Variants in OGFOD1 observed in about 807,000 individuals in gnomAD.
OGFOD1 encodes the protein prolyl 3-hydroxylase OGFOD1.
Under a neutral mutation model 67.7 loss-of-function variants are expected in OGFOD1, and 54 were observed. The ratio of observed to expected loss-of-function variants is 0.80; its 90% confidence interval spans 0.64 to 1.00. The LOEUF (loss-of-function observed/expected upper bound fraction) is 1.00, where lower values mean the gene tolerates loss of function less well. Among genes scored for constraint, OGFOD1 ranks in the 50% least tolerant of loss-of-function variants. OGFOD1 has a pLI of 0.00. For synonymous variants in OGFOD1, 221 were observed against 227.0 expected, an observed-to-expected ratio of 0.97 and a Z score of 0.24; for missense variants, 606 against 646.7, an observed-to-expected ratio of 0.94 and a Z score of 0.68.
chr16:56,468,641 A>G (rs1963006530), intron 8 of OGFOD1, among the ~76,000 whole-genome samples: 1 of 151,756 alleles, frequency 6.6e-6, no homozygotes, highest in Non-Finnish European at 1.5e-5. Context: ...CAGGAGAATC[A>G]CTTGAACCTG....
At chr16:56,453,627 G>A (rs1355896244) in intron 2 of OGFOD1, 3 of 381,584 alleles carry the variant, frequency 7.9e-6, no homozygotes, top group Non-Finnish European at 1.4e-5. Flanking sequence ...TGCCTGCCCT[G>A]TAAGACTTTA....
intron 8 of OGFOD1, 134 bp from the exon 9 acceptor site, chr16:56,469,869 A>AAAAGG: frequency 6.5e-6 from 4 of 617,274 alleles, no homozygotes; most frequent in Non-Finnish European, 1.1e-5. Context: ...AAAAAAAAAA[A>AAAAGG]AAAAGGAATG....
intron 2 of OGFOD1, 92 bp from the exon 3 acceptor site, chr16:56,458,456 A>G: frequency 8.7e-7 from 1 of 1,150,904 alleles, no homozygotes; most frequent in Non-Finnish European, 1.3e-6. Context: ...CTTAATGACA[A>G]TGCTAGGACC....
At position 56,454,653 on chromosome 16, in the gene OGFOD1, GAAA is replaced by G. The variant is rs57144787; in HGVS notation, c.300+1253_300+1255del. On this transcript the variant is annotated intron_variant, in intron 2 of 12. Transcript: ENST00000566157. ...ACATCTGTGCTTCAAATTGGGGGGGGAAAAAAAAAAGAAAGATTAAAAAGATGA... is the reference window on the plus strand; with the variant it reads ...ACATCTGTGCTTCAAATTGGGGGGGGAAAAAAAGAAAGATTAAAAAGATGA... 241 of 299,322 alleles carry G rather than the reference GAAA, an allele frequency of 8.1e-4. 2 individuals are homozygous for G. Among genetic ancestry groups the G allele is most frequent in the African/African-American group, 4.6e-3 (198 of 42,930 alleles). 18.5% of individuals were successfully genotyped at this position (299,322 alleles called of 1,614,324 possible). A position where few individuals can be genotyped will look rare whatever the true frequency, so the allele number is the denominator to read the frequency against.
chr16:56,451,814 T>G, intron 1 of OGFOD1, 48 bp downstream of exon 1: 1 of 1,588,832 alleles, frequency 6.3e-7, no homozygotes, highest in East Asian at 2.2e-5. Flanking sequence ...GGTCTAGGGA[T>G]CTCTGAAAAA....
rs112104995 is a variant in OGFOD1, at chr16:56,454,447, C to CT, written c.300+1050dup. Among the ~76,000 whole-genome samples, 512 of 135,498 alleles carry CT rather than the reference C, an allele frequency of 3.8e-3. 2 individuals carry two copies. Among genetic ancestry groups the CT allele is most frequent in the African/African-American group, 7.5e-3 (277 of 37,170 alleles). The allele number at this position is 135,498 out of a possible 152,430, so 88.9% of individuals were successfully genotyped here. ...AGTAGGGCAAAGCGTTAAATCCGTT[C>CT]TTTTTTTTTTTGGTGGACAGTTTAA... On this transcript the variant is annotated intron_variant, in intron 2 of 12. Transcript: ENST00000566157.
At chr16:56,466,688 G>A (rs1380423735) in intron 5 of OGFOD1, 188 bp from the exon 6 acceptor site, 9 of 613,504 alleles carry the variant, frequency 1.5e-5, no homozygotes, top group Admixed American at 3.0e-5. Flanking sequence ...ATAGATGGAT[G>A]GTGTAGTAAG....
At chr16:56,463,060 G>T (rs1380061997) in intron 4 of OGFOD1, among the ~76,000 whole-genome samples, 2 of 152,134 alleles carry the variant, frequency 1.3e-5, no homozygotes. Flanking sequence ...CAGGTATATG[G>T]TGTAAACCAT....
At chr16:56,460,159 C>T (rs34793257) in intron 3 of OGFOD1, among the ~76,000 whole-genome samples, 104,273 of 152,126 alleles carry the variant, frequency 0.69, 37,602 homozygotes, top group African/African-American at 0.92. Flanking sequence ...AGGCATTATC[C>T]CCTTAGTTCA....
intron 8 of OGFOD1, 110 bp from the exon 9 acceptor site, chr16:56,469,892 AC>A (rs1963078226): frequency 1.5e-6 from 1 of 653,064 alleles, no homozygotes; most frequent in African/African-American, 1.9e-5. Context: ...AGTCAACTGC[AC>A]CTTTTAGGAA....
At chr16:56,464,361 A>G (rs995677422) in intron 4 of OGFOD1, among the ~76,000 whole-genome samples, 7 of 152,094 alleles carry the variant, frequency 4.6e-5, no homozygotes, top group Non-Finnish European at 8.8e-5. Context: ...CTATCAGTAT[A>G]TATTTTGTGG....
chr16:56,475,987 C>G (rs999172487), intron 12 of OGFOD1, 57 bp from the exon 13 acceptor site: 58 of 1,473,408 alleles, frequency 3.9e-5, no homozygotes, highest in Non-Finnish European at 5.0e-5. Flanking sequence ...GGTTAATCAT[C>G]CAAGATTTGA....
intron 10 of OGFOD1, among the ~76,000 whole-genome samples, chr16:56,474,364 A>T (rs1596990591): frequency 7.4e-6 from 1 of 134,450 alleles, no homozygotes; most frequent in East Asian, 2.1e-4. Context: ...CTTGTTGCCC[A>T]GGCTGGAGTG....
At chr16:56,466,580 G>C (rs1232266096) in intron 5 of OGFOD1, among the ~76,000 whole-genome samples, 1 of 152,194 alleles carries the variant, frequency 6.6e-6, no homozygotes, top group Non-Finnish European at 1.5e-5. Flanking sequence ...GAATCTGCCA[G>C]GACCAGTCCA....
chr16:56,475,153 A>C (rs1407883241), intron 11 of OGFOD1, among the ~76,000 whole-genome samples: 4 of 152,192 alleles, frequency 2.6e-5, no homozygotes, highest in African/African-American at 9.7e-5. Context: ...GTGACTAGGA[A>C]ATGGGGAGAT....
At chr16:56,470,412 A>C (rs1399691774) in intron 9 of OGFOD1, 75 bp from the exon 10 acceptor site, 2 of 1,310,112 alleles carry the variant, frequency 1.5e-6, no homozygotes, top group Non-Finnish European at 2.1e-6. Context: ...GTACAAAGCT[A>C]ACGATCAGCT....
At chr16:56,459,702 T>A (rs1962646592) in intron 3 of OGFOD1, among the ~76,000 whole-genome samples, 1 of 152,190 alleles carries the variant, frequency 6.6e-6, no homozygotes, top group South Asian at 2.1e-4. Context: ...CACATTTTTG[T>A]CAAGAGAAAA....
intron 9 of OGFOD1, 134 bp from the exon 10 acceptor site, chr16:56,470,353 T>C: frequency 1.2e-6 from 1 of 817,738 alleles, no homozygotes; most frequent in Non-Finnish European, 1.9e-6. Context: ...AATCTCACTA[T>C]TGTAATAACT....
At position 56,467,782 on chromosome 16, in the gene OGFOD1, TA is replaced by T; in HGVS notation, c.787-122del. ...GTCTTTCTCAAGCAGAGTTTTCCAG[TA>T]CTTTAATAGGAGAAACTTATAAAAT... On this transcript the variant is annotated intron_variant, in intron 7 of 12. Transcript: ENST00000566157. The T allele has an allele frequency of 4.4e-6, 3 of 676,022 alleles. No homozygotes were observed. In the South Asian group the frequency reaches 4.9e-5, roughly 11 times the overall value. The allele number at this position is 676,022 out of a possible 1,614,324, so 41.9% of individuals were successfully genotyped here.
Sources: allele counts gnomAD v4.1 joint callset (sites outside exome capture counted in the v4.1 genomes callset), GRCh38; gene constraint gnomAD v4.1.1; transcripts MANE v1.5; gene names NCBI Gene and HGNC (gene_info 2026-07-23, HGNC 2026-07-21).